BICC1: variants seen among roughly 807,000 people sequenced by gnomAD.
BICC1 encodes the protein BicC family RNA binding protein 1.
BICC1 carries 43 observed loss-of-function variants against 111.0 expected under a neutral mutation model. That is an observed-to-expected ratio of 0.39 (90% CI 0.30 to 0.50). The LOEUF is 0.50. Ranked by LOEUF, BICC1 falls within the 20% of genes least tolerant of loss-of-function variation. The pLI is 0.88. For synonymous variants in BICC1, 467 were observed against 434.4 expected (o/e 1.07, Z -0.93); for missense variants, 1,091 against 1,203.2 (o/e 0.91, Z 1.38).
At chr10:58,685,274 A>G (rs912110680) in intron 2 of BICC1, among the ~76,000 whole-genome samples, 2 of 152,122 alleles carry the variant, frequency 1.3e-5, no homozygotes, top group Non-Finnish European at 2.9e-5. Flanking sequence ...TTTGCTGAGG[A>G]GTGCTTTACT....
chr10:58,618,100 G>C (rs923782746), intron 1 of BICC1, among the ~76,000 whole-genome samples: 2 of 152,180 alleles, frequency 1.3e-5, no homozygotes, highest in African/African-American at 4.8e-5. Context: ...AGTGTCTGGG[G>C]CCTGTGTACC....
chr10:58,823,299 A>T (rs1844304322), intron 20 of BICC1: 1 of 985,104 alleles, frequency 1.0e-6, no homozygotes, highest in Admixed American at 6.2e-5. Context: ...AATTTCAAAG[A>T]AAAAGGTTGG....
intron 2 of BICC1, among the ~76,000 whole-genome samples, chr10:58,670,185 C>A (rs1360422211): frequency 2.0e-5 from 3 of 151,978 alleles, no homozygotes; most frequent in African/African-American, 7.3e-5. Flanking sequence ...GTTCATCAAT[C>A]CATCTTATTT....
intron 3 of BICC1, among the ~76,000 whole-genome samples, chr10:58,769,457 TTTTA>T (rs1465049281): frequency 2.1e-5 from 3 of 140,702 alleles, no homozygotes; most frequent in Non-Finnish European, 4.7e-5. Flanking sequence ...TAGATATACT[TTTTA>T]TTTGTCAATC....
At chr10:58,610,381 C>A (rs7097457) in intron 1 of BICC1, among the ~76,000 whole-genome samples, 1 of 152,088 alleles carries the variant, frequency 6.6e-6, no homozygotes, top group African/African-American at 2.4e-5. Flanking sequence ...TTGCAATCCA[C>A]ATTTTGAGAA....
intron 2 of BICC1, among the ~76,000 whole-genome samples, chr10:58,644,517 T>G (rs1227442786): frequency 6.6e-6 from 1 of 152,190 alleles, no homozygotes; most frequent in Non-Finnish European, 1.5e-5. Flanking sequence ...AGTCTCTGGT[T>G]TTTGTTTAAG....
intron 3 of BICC1, among the ~76,000 whole-genome samples, chr10:58,706,944 C>T (rs1840403308): frequency 6.6e-6 from 1 of 152,134 alleles, no homozygotes. Context: ...TAACTGAGGT[C>T]AGCATGAGTG....
intron 1 of BICC1, among the ~76,000 whole-genome samples, chr10:58,618,776 G>A (rs1845703299): frequency 6.6e-6 from 1 of 152,236 alleles, no homozygotes; most frequent in Non-Finnish European, 1.5e-5. Flanking sequence ...TTGCCACAGT[G>A]TAGTAGCTTA....
chr10:58,730,402 G>T (rs1196804850), intron 3 of BICC1, among the ~76,000 whole-genome samples: 2 of 152,156 alleles, frequency 1.3e-5, no homozygotes, highest in African/African-American at 4.8e-5. Context: ...TCATGGGCTG[G>T]CATTGAGTGC....
chr10:58,656,127 C>T (rs924199819), intron 2 of BICC1, among the ~76,000 whole-genome samples: 61 of 152,210 alleles, frequency 4.0e-4, no homozygotes, highest in African/African-American at 1.2e-3. Context: ...TTGACACATA[C>T]ACTCTCCCAA....
chr10:58,616,288 C>T (rs927285120), intron 1 of BICC1, among the ~76,000 whole-genome samples: 17 of 152,168 alleles, frequency 1.1e-4, no homozygotes, highest in Admixed American at 7.2e-4. Flanking sequence ...ACAGGGGGCC[C>T]CAACAAGTGA....
intron 1 of BICC1, among the ~76,000 whole-genome samples, chr10:58,530,769 A>G (rs141023693): frequency 8.6e-4 from 131 of 151,928 alleles, no homozygotes; most frequent in African/African-American, 3.1e-3. Flanking sequence ...TAAATCAAAG[A>G]AACTTCCTTA....
At chr10:58,529,257 T>C (rs1842620977) in intron 1 of BICC1, among the ~76,000 whole-genome samples, 2 of 151,952 alleles carry the variant, frequency 1.3e-5, no homozygotes, top group African/African-American at 2.4e-5. Context: ...CCAGTATTGA[T>C]ATCTAGCATC....
intron 3 of BICC1, among the ~76,000 whole-genome samples, chr10:58,767,176 C>A (rs10826237): frequency 0.46 from 69,794 of 151,750 alleles, 16,173 homozygotes; most frequent in Admixed American, 0.57. Context: ...TGAGTACAAG[C>A]CTTTACAGGT....
In BICC1 at chr10:58,799,176, C is replaced by T; in HGVS notation, c.1649C>T (p.Thr550Ile). ...HTAPSPPPGL[T>I]PVDVHINSMQ... ...GCTCCATCTCCCCCTCCTGGCTTGA[C>T]TCCTGTTGATGTCCATATCAACAGT... The change falls in exon 12 of 21, where the codon ACT becomes ATT. Residue 550 changes from threonine (T) to isoleucine (I), a missense_variant. Around this residue, in one of 3 missense-constraint regions of BICC1, gnomAD observed 843 missense variants for 900.8 expected, o/e 0.94. Transcript: ENST00000373886. The T allele has an allele frequency of 6.2e-7, 1 of 1,613,876 alleles. No individual in the cohort carries two copies. The highest frequency in any genetic ancestry group is 8.5e-7 in the Non-Finnish European group (1 of 1,179,914).
chr10:58,717,099 G>C (rs939669907), intron 3 of BICC1, among the ~76,000 whole-genome samples: 6 of 152,162 alleles, frequency 3.9e-5, no homozygotes, highest in African/African-American at 1.4e-4. Flanking sequence ...TTTGGCTTGG[G>C]AGAGGAATTA....
intron 1 of BICC1, among the ~76,000 whole-genome samples, chr10:58,549,173 A>G (rs775762675): frequency 1.6e-4 from 25 of 151,764 alleles, no homozygotes; most frequent in Non-Finnish European, 3.4e-4. Flanking sequence ...TATGAATAGT[A>G]TTCTATTATA....
In BICC1 at chr10:58,828,834, T is replaced by C; in HGVS notation, c.2868T>C (p.Ser956=). 1 of 1,613,836 alleles carries C rather than the reference T, an allele frequency of 6.2e-7. No homozygotes were observed. Among genetic ancestry groups the C allele is most frequent in the Non-Finnish European group, 8.5e-7 (1 of 1,179,880 alleles). The change falls in exon 21 of 21, where the codon AGT becomes AGC. Residue 956 remains serine, a synonymous_variant. Coordinates refer to ENST00000373886, the MANE Select transcript of BICC1 (RefSeq NM_001080512.3). ...CCTCTTTCCTGGAAGGTGGAGCGAG[T>C]GGAAGGCTACCCCGTCAGTATCACT... ...ARTSFLEGGA[S]GRLPRQYHSD...
intron 1 of BICC1, among the ~76,000 whole-genome samples, chr10:58,520,190 T>C (rs1288958897): frequency 1.3e-5 from 2 of 152,228 alleles, no homozygotes; most frequent in East Asian, 3.9e-4. Flanking sequence ...GATACTGTTC[T>C]TACTTAAAAA....
Sources: gnomAD v4.1 joint callset for allele counts (sites outside exome capture counted in the v4.1 genomes callset) on GRCh38, gnomAD v4.1.1 for gene constraint, gnomAD v4.1.1 regional missense constraint, MANE v1.5 for transcripts, NCBI Gene and HGNC (gene_info 2026-07-23, HGNC 2026-07-21) for gene names.